The following KCNIP3 variants were observed in gnomAD, a reference collection of about 807,000 sequenced individuals.
KCNIP3 encodes the protein potassium voltage-gated channel interacting protein 3.
KCNIP3 carries 28 observed loss-of-function variants against 35.0 expected under a neutral mutation model. That is an observed-to-expected ratio of 0.80 (90% CI 0.59 to 1.10). The LOEUF (loss-of-function observed/expected upper bound fraction) is 1.10. KCNIP3 is among the 50% of genes least tolerant of loss of function. The pLI is 0.00. For synonymous variants in KCNIP3, 134 were observed against 133.8 expected (o/e 1.00, Z -0.01); for missense variants, 295 against 338.4 (o/e 0.87, Z 1.01).
chr2:95,348,586 G>A (rs1231447583), intron 2 of KCNIP3, among the ~76,000 whole-genome samples: 1 of 152,216 alleles, frequency 6.6e-6, no homozygotes, highest in Non-Finnish European at 1.5e-5. Context: ...TCCTAACAGC[G>A]GGTTCACCCA....
chr2:95,327,353 C>G (rs1464724536), intron 2 of KCNIP3, among the ~76,000 whole-genome samples: 1 of 152,118 alleles, frequency 6.6e-6, no homozygotes, highest in East Asian at 1.9e-4. Context: ...TTTAAGAACC[C>G]TGGATGTGCA....
At chr2:95,346,645 G>T in intron 2 of KCNIP3, 2 of 145,118 alleles carry the variant, frequency 1.4e-5, no homozygotes, top group South Asian at 3.7e-4. Flanking sequence ...CGCGGGGCTG[G>T]AGAGGGGGCG....
Position 95,361,792 on chromosome 2 carries a change from AGGGCTG to A in KCNIP3, c.182-12501_182-12496del, listed in dbSNP as rs529042475. Among the ~76,000 whole-genome samples the A allele has an allele frequency of 2.8e-4, 43 of 152,334 alleles. 1 individual carries two copies. In the East Asian group the frequency reaches 7.9e-3, roughly 28 times the overall value. ...ACCTCCCATGCACAGGCACTGTTCCAGGGCTGGGTACGGCAGCGAGGAGACCCGAAT... is the reference window on the plus strand; with the variant it reads ...ACCTCCCATGCACAGGCACTGTTCCAGGTACGGCAGCGAGGAGACCCGAAT... On this transcript the variant is annotated intron_variant, in intron 2 of 8. Transcript: ENST00000295225.
At chr2:95,361,115 C>T (rs914565340) in intron 2 of KCNIP3, among the ~76,000 whole-genome samples, 3 of 152,178 alleles carry the variant, frequency 2.0e-5, no homozygotes, top group African/African-American at 4.8e-5. Flanking sequence ...AGAGCTGGAG[C>T]GCTGATCAAT....
At chr2:95,327,263 C>T (rs1219617760) in intron 2 of KCNIP3, among the ~76,000 whole-genome samples, 1 of 152,230 alleles carries the variant, frequency 6.6e-6, no homozygotes, top group African/African-American at 2.4e-5. Context: ...TCACTTGCCC[C>T]TAGTTCCCAT....
At chr2:95,346,598 C>G (rs2104265731) in intron 2 of KCNIP3, 2 of 146,346 alleles carry the variant, frequency 1.4e-5, no homozygotes, top group Admixed American at 1.4e-4. Context: ...ACCCCCGCCG[C>G]CGCGCCGCCG....
intron 2 of KCNIP3, among the ~76,000 whole-genome samples, chr2:95,321,793 G>C (rs1441016679): frequency 6.6e-6 from 1 of 152,152 alleles, no homozygotes; most frequent in Non-Finnish European, 1.5e-5. Flanking sequence ...TCTGCCAGAG[G>C]GAAGAGGAAA....
In KCNIP3 at chr2:95,384,191, C is replaced by CACACAT; in HGVS notation, c.*147_*148insTACACA. 1 of 661,952 alleles carries CACACAT rather than the reference C, an allele frequency of 1.5e-6. No individual in the cohort carries two copies. The highest frequency in any genetic ancestry group is 1.7e-5 in the South Asian group (1 of 57,184). 41.0% of individuals were successfully genotyped at this position (661,952 alleles called of 1,614,324 possible). A position where few individuals can be genotyped will look rare whatever the true frequency, so the allele number is the denominator to read the frequency against. On this transcript the variant is annotated 3_prime_UTR_variant, in exon 9 of 9. Transcript: ENST00000295225. ...TGCTACACACACACACACACACACA[C>CACACAT]ACACACACACACACAGCCATTCATC...
At chr2:95,383,128 C>CCCCCCCCCCCCT in intron 7 of KCNIP3, 104 bp from the exon 8 acceptor site, 4 of 472,152 alleles carry the variant, frequency 8.5e-6, no homozygotes, top group Admixed American at 2.7e-5. Flanking sequence ...CGCCCATCCA[C>CCCCCCCCCCCCT]CCACCCGCCC....
At chr2:95,372,246 T>A (rs760392332) in intron 2 of KCNIP3, among the ~76,000 whole-genome samples, 2 of 152,180 alleles carry the variant, frequency 1.3e-5, no homozygotes, top group Admixed American at 1.3e-4. Context: ...CTGCTGTGTG[T>A]ACATCTGCTC....
intron 2 of KCNIP3, among the ~76,000 whole-genome samples, chr2:95,331,743 C>T (rs1408158582): frequency 6.6e-6 from 1 of 152,224 alleles, no homozygotes; most frequent in African/African-American, 2.4e-5. Flanking sequence ...GCTTCTTACC[C>T]GATCCAGCTG....
At chr2:95,318,497 C>T (rs1357689306) in intron 2 of KCNIP3, among the ~76,000 whole-genome samples, 1 of 152,198 alleles carries the variant, frequency 6.6e-6, no homozygotes, top group African/African-American at 2.4e-5. Context: ...ACCTGGAGGC[C>T]TTGGCAGGGA....
intron 2 of KCNIP3, among the ~76,000 whole-genome samples, chr2:95,369,097 A>T (rs1411426167): frequency 6.6e-6 from 1 of 152,214 alleles, no homozygotes; most frequent in Non-Finnish European, 1.5e-5. Context: ...AATGATGTTA[A>T]CTATAGATTT....
At chr2:95,347,245 C>G in intron 2 of KCNIP3, 1 of 800,560 alleles carries the variant, frequency 1.2e-6, no homozygotes, top group South Asian at 1.7e-5. Flanking sequence ...CCGCCGCCCC[C>G]TCCCGGCTCC....
intron 2 of KCNIP3, among the ~76,000 whole-genome samples, chr2:95,364,103 G>A (rs1384618573): frequency 6.6e-6 from 1 of 152,146 alleles, no homozygotes; most frequent in Non-Finnish European, 1.5e-5. Flanking sequence ...ATGTATCTAA[G>A]CTTTTGCCAT....
chr2:95,324,130 G>A (rs1284459511), intron 2 of KCNIP3, among the ~76,000 whole-genome samples: 2 of 152,260 alleles, frequency 1.3e-5, no homozygotes, highest in Non-Finnish European at 2.9e-5. Context: ...GATGGGCGCT[G>A]GGCTGACTTA....
At chr2:95,300,013 A>G (rs927598252) in intron 1 of KCNIP3, among the ~76,000 whole-genome samples, 1 of 152,220 alleles carries the variant, frequency 6.6e-6, no homozygotes, top group Admixed American at 6.5e-5. Flanking sequence ...AGGCTACAAG[A>G]GTTGTGGCTG....
intron 2 of KCNIP3, among the ~76,000 whole-genome samples, chr2:95,320,518 G>A (rs749239406): frequency 1.3e-3 from 201 of 151,152 alleles, no homozygotes; most frequent in Admixed American, 3.6e-3. Context: ...CCCTCGGCCT[G>A]TCTCCCAGGT....
chr2:95,352,401 G>T (rs1415693212), intron 2 of KCNIP3, among the ~76,000 whole-genome samples: 1 of 152,070 alleles, frequency 6.6e-6, no homozygotes, highest in Non-Finnish European at 1.5e-5. Flanking sequence ...GGGAGGAAGG[G>T]TAGCTGGGGA....
Sources: gnomAD v4.1 joint callset for allele counts (sites outside exome capture counted in the v4.1 genomes callset) on GRCh38, gnomAD v4.1.1 for gene constraint, MANE v1.5 for transcripts, NCBI Gene and HGNC (gene_info 2026-07-23, HGNC 2026-07-21) for gene names.